The following ACTB variants were observed in gnomAD, a reference collection of about 807,000 sequenced individuals.
The protein encoded by ACTB is actin beta.
Under a neutral mutation model 30.5 loss-of-function variants are expected in ACTB, and 2 were observed. The ratio of observed to expected loss-of-function variants is 0.07; its 90% CI spans 0.03 to 0.21. The LOEUF (loss-of-function observed/expected upper bound fraction) is 0.21. Ranked by LOEUF, ACTB falls within the 10% of genes least tolerant of loss-of-function variation. The probability of loss-of-function intolerance (pLI) is 1.00; values close to 1 mark genes in which losing one functional copy is unlikely to be tolerated. For synonymous variants in ACTB, 335 were observed against 217.6 expected (o/e 1.54, Z -4.75); for missense variants, 56 against 530.0 (o/e 0.11, Z 8.78).
At chr7:5,528,979 C>T in intron 3 of ACTB, 182 bp downstream of exon 3, 7 of 1,576,510 alleles carry the variant, frequency 4.4e-6, no homozygotes, top group East Asian at 2.3e-5. Context: ...GAGAGACAAA[C>T]ACCAGAAAAA....
intron 3 of ACTB, 83 bp downstream of exon 3, chr7:5,529,078 G>C (rs541771250): frequency 4.0e-5 from 65 of 1,613,256 alleles, no homozygotes; most frequent in East Asian, 6.7e-5. Context: ...AACGGCAGAA[G>C]AGAGAACCAG....
At position 5,527,907 on chromosome 7, in the gene ACTB, G is replaced by A. The variant is rs1369684811; in HGVS notation, c.985-16C>T. The A allele has an allele frequency of 2.2e-5, 36 of 1,613,096 alleles. 1 individual carries two copies. Among genetic ancestry groups the A allele is most frequent in the Middle Eastern group, 1.7e-4 (1 of 6,058 alleles). On this transcript the variant is annotated splice_polypyrimidine_tract_variant and intron_variant, in intron 5 of 5. Transcript: ENST00000646664. Reference sequence around the variant, plus strand: ...GAGCAATGATCTGAGGAGGGAAGGGGACAGGCAGTGAGGACCCTGGATGTG... The same window carrying A: ...GAGCAATGATCTGAGGAGGGAAGGGAACAGGCAGTGAGGACCCTGGATGTG...
chr7:5,528,934 C>A (rs1411201626), intron 3 of ACTB: 1 of 1,508,012 alleles, frequency 6.6e-7, no homozygotes, highest in Non-Finnish European at 9.0e-7. Context: ...AGTGTTAGTA[C>A]CTACACCCAC....
At chr7:5,529,771 G>A (rs1331896356) in intron 1 of ACTB, 108 bp from the exon 2 acceptor site, 14 of 1,549,998 alleles carry the variant, frequency 9.0e-6, no homozygotes, top group Non-Finnish European at 8.8e-7. Flanking sequence ...CGCCCAGATT[G>A]GGGACAAAGG....
chr7:5,529,856 G>C (rs1203700682), intron 1 of ACTB, 193 bp from the exon 2 acceptor site: 1 of 960,366 alleles, frequency 1.0e-6, no homozygotes, highest in Non-Finnish European at 1.6e-6. Flanking sequence ...GCGGCAGGAA[G>C]CCAGGCCCCA....
At chr7:5,530,149 C>T (rs1784859469) in intron 1 of ACTB, among the ~76,000 whole-genome samples, 5 of 152,114 alleles carry the variant, frequency 3.3e-5, no homozygotes, top group South Asian at 2.1e-4. Flanking sequence ...ACGCAGTTAG[C>T]GCCCAAAGGA....
In ACTB at chr7:5,528,675, G is replaced by A; in HGVS notation, c.408C>T (p.Ile136=). The stretch of plus-strand genomic sequence containing the variant: ...AGGCGTACAGGGATAGCACAGCCTG[G>A]ATAGCAACGTACATGGCTGGGGTGT... The part of the protein sequence containing the change: ...TFNTPAMYVA[I]QAVLSLYASG... Residue 136 remains isoleucine (I), a synonymous_variant, in exon 4 of 6, where the codon ATC becomes ATT. Transcript: ENST00000646664. 6.2e-7 allele frequency: 1 copy of A among 1,613,988 alleles called. No individual in the cohort carries two copies. Among genetic ancestry groups the A allele is most frequent in the Non-Finnish European group, 8.5e-7 (1 of 1,180,030 alleles).
intron 1 of ACTB, chr7:5,529,894 G>T (rs904306101): frequency 1.2e-5 from 8 of 643,568 alleles, no homozygotes; most frequent in Non-Finnish European, 1.9e-5. Flanking sequence ...CGCCAGCCCC[G>T]CCTCCGCCCG....
In ACTB at chr7:5,528,735, A is replaced by ATG. The variant is rs1784817142; in HGVS notation, c.364-17_364-16insCA. ...CAAACATGATCTGTAAGGCAGAGAT[A>ATG]CACCATGTCACACTGGGGAAGCCAC... On this transcript the variant is annotated splice_polypyrimidine_tract_variant and intron_variant, in intron 3 of 5. Coordinates refer to ENST00000646664, the MANE Select transcript of ACTB (RefSeq NM_001101.5). The ATG allele has an allele frequency of 1.2e-6, 2 of 1,612,514 alleles. No homozygotes were observed. Among genetic ancestry groups the ATG allele is most frequent in the Non-Finnish European group, 1.7e-6 (2 of 1,179,476 alleles).
intron 1 of ACTB, 173 bp from the exon 2 acceptor site, chr7:5,529,836 C>T (rs1391395457): frequency 9.0e-7 from 1 of 1,113,256 alleles, no homozygotes; most frequent in South Asian, 1.3e-5. Flanking sequence ...CGGAGGCGTC[C>T]CCGCGGCGCG....
chr7:5,529,688 T>G (rs909129297), intron 1 of ACTB, 25 bp from the exon 2 acceptor site: 2 of 1,610,786 alleles, frequency 1.2e-6, no homozygotes, highest in Non-Finnish European at 1.7e-6. Flanking sequence ...GGGCGCGCTG[T>G]GAGCCGAGGT....
chr7:5,529,782 A>C (rs757114092), intron 1 of ACTB, 119 bp from the exon 2 acceptor site: 1 of 1,509,180 alleles, frequency 6.6e-7, no homozygotes, highest in South Asian at 1.2e-5. Flanking sequence ...GGGACAAAGG[A>C]AGCCGGGCCG....
intron 1 of ACTB, chr7:5,529,920 G>A (rs567797346): frequency 1.2e-5 from 5 of 426,926 alleles, no homozygotes; most frequent in African/African-American, 2.2e-5. Context: ...AACAGCGCCG[G>A]GTCGGCGCGC....
At position 5,530,516 on chromosome 7, in the gene ACTB, G is replaced by C. The variant is rs1168634212; in HGVS notation, c.-7+8C>G. On this transcript the variant is annotated splice_region_variant and intron_variant, in intron 1 of 5. Coordinates refer to ENST00000646664, the MANE Select transcript of ACTB (RefSeq NM_001101.5). ...AGCCGCCTGCCCCGGTCGGCTGGCC[G>C]GGCTTACCTGGCGGCGGGTGTGGAC... 1.3e-5 allele frequency: 2 copies of C among 151,820 alleles called. No homozygotes were observed. The highest frequency in any genetic ancestry group is 4.8e-5 in the African/African-American group (2 of 41,372). 9.4% of individuals were successfully genotyped at this position (151,820 alleles called of 1,614,324 possible).
intron 1 of ACTB, among the ~76,000 whole-genome samples, chr7:5,530,175 A>C (rs1377974627): frequency 6.6e-6 from 1 of 151,926 alleles, no homozygotes; most frequent in African/African-American, 2.4e-5. Context: ...GCGCACGCGC[A>C]ATGGCGCCCC....
intron 1 of ACTB, chr7:5,529,979 G>A (rs1176190865): frequency 2.6e-5 from 5 of 194,510 alleles, no homozygotes; most frequent in East Asian, 1.6e-4. Flanking sequence ...CGGGCAGGAA[G>A]TGCGCGCAAG....
chr7:5,528,828 C>A, intron 3 of ACTB, 109 bp from the exon 4 acceptor site: 6 of 1,470,178 alleles, frequency 4.1e-6, no homozygotes, highest in South Asian at 1.1e-5. Flanking sequence ...GTGCTGGGGT[C>A]TTGGGATGGG....
intron 3 of ACTB, 41 bp from the exon 4 acceptor site, chr7:5,528,760 C>T (rs376678638): frequency 6.2e-7 from 1 of 1,605,506 alleles, no homozygotes; most frequent in South Asian, 1.1e-5. Context: ...GGGGAAGCCA[C>T]TGGGGACAGC....
intron 2 of ACTB, 50 bp from the exon 3 acceptor site, chr7:5,529,450 C>T (rs1784835783): frequency 1.9e-6 from 3 of 1,613,372 alleles, no homozygotes; most frequent in Non-Finnish European, 8.5e-7. Context: ...GCCCCCACCC[C>T]GGAAACCGGG....
Sources: gnomAD v4.1 joint callset for allele counts (sites outside exome capture counted in the v4.1 genomes callset) on GRCh38, gnomAD v4.1.1 for gene constraint, MANE v1.5 for transcripts, NCBI Gene and HGNC (gene_info 2026-07-23, HGNC 2026-07-21) for gene names.